Variants in SNTG1 observed in about 807,000 individuals in gnomAD.
The protein encoded by SNTG1 is gamma-1-syntrophin.
SNTG1 carries 39 observed loss-of-function variants against 74.7 expected under a neutral mutation model. That is an observed-to-expected ratio of 0.52 (90% CI 0.40 to 0.68). SNTG1 has a LOEUF of 0.68. SNTG1 is among the 30% of genes least tolerant of loss of function. The probability of loss-of-function intolerance (pLI) is 0.00; values close to 1 mark genes in which losing one functional copy is unlikely to be tolerated. For missense variants in SNTG1, 685 were observed against 609.5 expected (o/e 1.12, Z -1.30); for synonymous variants, 254 against 217.1 (o/e 1.17, Z -1.49).
intron 17 of SNTG1, chr8:50,747,751 T>TTCTCTTTC (rs2095558401): frequency 6.6e-6 from 1 of 152,000 alleles, no homozygotes; most frequent in Non-Finnish European, 1.5e-5. Flanking sequence ...TCCTCTCTTT[T>TTCTCTTTC]TCTCTTTCTC....
chr8:50,079,401 G>T (rs1423214860), intron 1 of SNTG1, among the ~76,000 whole-genome samples: 1 of 145,740 alleles, frequency 6.9e-6, no homozygotes, highest in Admixed American at 6.9e-5. Flanking sequence ...CTTTTTGATG[G>T]GGTTGTTTGT....
chr8:50,279,268 CAT>C (rs927689355), intron 2 of SNTG1, among the ~76,000 whole-genome samples: 6 of 152,038 alleles, frequency 3.9e-5, no homozygotes, highest in Non-Finnish European at 7.4e-5. Flanking sequence ...AATCAATAAA[CAT>C]GTGGAAAATG....
chr8:50,301,642 T>C (rs1276528795), intron 2 of SNTG1, among the ~76,000 whole-genome samples: 1 of 152,124 alleles, frequency 6.6e-6, no homozygotes, highest in African/African-American at 2.4e-5. Context: ...GGAAACTGGA[T>C]ATTTTATATA....
intron 4 of SNTG1, among the ~76,000 whole-genome samples, chr8:50,422,857 TG>T (rs1282560801): frequency 6.6e-6 from 1 of 152,184 alleles, no homozygotes; most frequent in East Asian, 1.9e-4. Flanking sequence ...CCTAGTCAGG[TG>T]ATCTCTCATT....
At chr8:49,979,916 T>A (rs1435791133) in intron 1 of SNTG1, among the ~76,000 whole-genome samples, 4 of 152,224 alleles carry the variant, frequency 2.6e-5, no homozygotes, top group African/African-American at 9.6e-5. Flanking sequence ...TCTATCCTGG[T>A]GAAAGAGCTT....
At chr8:50,523,663 T>C (rs1185131706) in intron 9 of SNTG1, among the ~76,000 whole-genome samples, 1 of 152,118 alleles carries the variant, frequency 6.6e-6, no homozygotes, top group Admixed American at 6.6e-5. Context: ...AGAATTACAA[T>C]AGTAGCATCA....
At chr8:50,560,628 A>T (rs909163907) in intron 12 of SNTG1, among the ~76,000 whole-genome samples, 3 of 152,204 alleles carry the variant, frequency 2.0e-5, no homozygotes, top group African/African-American at 7.2e-5. Flanking sequence ...ACAGAAAATC[A>T]GACGCCACGT....
chr8:50,638,525 G>A (rs1483791937), intron 13 of SNTG1, among the ~76,000 whole-genome samples: 1 of 151,980 alleles, frequency 6.6e-6, no homozygotes, highest in African/African-American at 2.4e-5. Flanking sequence ...TATAGCACTG[G>A]GTGCTCCAGT....
At chr8:50,545,633 T>A (rs1167442706) in intron 11 of SNTG1, among the ~76,000 whole-genome samples, 1 of 151,952 alleles carries the variant, frequency 6.6e-6, no homozygotes, top group Non-Finnish European at 1.5e-5. Context: ...GTTTTTTCTT[T>A]AGGTAGAATT....
chr8:50,653,112 TTTTA>T (rs527490993), intron 13 of SNTG1, among the ~76,000 whole-genome samples: 2 of 151,858 alleles, frequency 1.3e-5, no homozygotes, highest in Admixed American at 1.3e-4. Context: ...TTTGTTTTTA[TTTTA>T]TTTATTTATT....
chr8:50,631,478 A>C (rs562423947), intron 13 of SNTG1, among the ~76,000 whole-genome samples: 1 of 152,294 alleles, frequency 6.6e-6, no homozygotes, highest in Admixed American at 6.5e-5. Context: ...TTTTTGGAAT[A>C]GTTTTTAACA....
intron 2 of SNTG1, among the ~76,000 whole-genome samples, chr8:50,326,493 G>C (rs1007636408): frequency 2.6e-5 from 4 of 151,874 alleles, no homozygotes; most frequent in African/African-American, 9.7e-5. Context: ...TTATTTTATA[G>C]TATTTTTTGT....
chr8:50,328,721 G>T (rs1456543501), intron 2 of SNTG1, among the ~76,000 whole-genome samples: 1 of 152,100 alleles, frequency 6.6e-6, no homozygotes, highest in Non-Finnish European at 1.5e-5. Flanking sequence ...TGAGATTTGG[G>T]TTGGGACACA....
chr8:50,358,405 C>G (rs1393426356), intron 2 of SNTG1, among the ~76,000 whole-genome samples: 2 of 152,066 alleles, frequency 1.3e-5, no homozygotes, highest in Admixed American at 1.3e-4. Context: ...CTCAGGAAAC[C>G]CTGAAGGACA....
In SNTG1 at chr8:50,473,072, C is replaced by T. The variant is rs529822632; in HGVS notation, c.363+22343C>T. On this transcript the variant is annotated intron_variant, in intron 8 of 18. Coordinates refer to ENST00000642720, the MANE Select transcript of SNTG1 (RefSeq NM_018967.5). ...GTGATATGGTTAGGCTTTGTGTCCC[C>T]AACCTAATCTCATCTTGAATTGCAA... Among the ~76,000 whole-genome samples, 7 of 152,230 alleles carry T rather than the reference C, an allele frequency of 4.6e-5. No individual in the cohort carries two copies. The East Asian group carries it at 9.7e-4, about 21-fold the overall frequency.
intron 2 of SNTG1, among the ~76,000 whole-genome samples, chr8:50,219,220 C>A (rs1461464735): frequency 2.0e-5 from 3 of 152,108 alleles, no homozygotes; most frequent in Non-Finnish European, 4.4e-5. Flanking sequence ...CTTCTAATGC[C>A]AAAAGACCTA....
intron 17 of SNTG1, among the ~76,000 whole-genome samples, chr8:50,722,884 G>T (rs1282110498): frequency 6.6e-6 from 1 of 152,068 alleles, no homozygotes; most frequent in East Asian, 1.9e-4. Flanking sequence ...ATGAAACACT[G>T]TTTTTGACTG....
intron 1 of SNTG1, among the ~76,000 whole-genome samples, chr8:50,094,417 A>T (rs558017209): frequency 1.3e-5 from 2 of 152,248 alleles, no homozygotes; most frequent in Admixed American, 1.3e-4. Flanking sequence ...GGAGGAAAAT[A>T]CTTGCAAGTT....
At chr8:50,151,966 G>T (rs1279238749) in intron 1 of SNTG1, among the ~76,000 whole-genome samples, 3 of 152,124 alleles carry the variant, frequency 2.0e-5, no homozygotes, top group Admixed American at 6.5e-5. Context: ...GGATATCCTT[G>T]TTAACTTTCT....
Sources: allele counts gnomAD v4.1 joint callset (sites outside exome capture counted in the v4.1 genomes callset), GRCh38; gene constraint gnomAD v4.1.1; transcripts MANE v1.5; gene names NCBI Gene and HGNC (gene_info 2026-07-23, HGNC 2026-07-21).